NDST3: variants seen among roughly 807,000 people sequenced by gnomAD.
NDST3 encodes the protein N-deacetylase and N-sulfotransferase 3.
Under a neutral mutation model 96.1 loss-of-function variants are expected in NDST3, and 58 were observed. That is an observed-to-expected ratio of 0.60 (90% CI 0.49 to 0.75). NDST3 has a LOEUF of 0.75. Among genes scored for constraint, NDST3 ranks in the 30% least tolerant of loss-of-function variants. The pLI is 0.00. For synonymous variants in NDST3, 333 were observed against 359.7 expected, an observed-to-expected ratio of 0.93 and a Z score of 0.84; for missense variants, 788 against 1,034.2, an observed-to-expected ratio of 0.76 and a Z score of 3.27.
At chr4:118,208,907 G>T (rs1344270966) in intron 6 of NDST3, among the ~76,000 whole-genome samples, 1 of 144,172 alleles carries the variant, frequency 6.9e-6, no homozygotes, top group East Asian at 2.0e-4. Flanking sequence ...AAATATATTT[G>T]TTTGGTATTT....
chr4:118,124,084 C>T (rs767954861), intron 4 of NDST3, among the ~76,000 whole-genome samples: 1 of 152,042 alleles, frequency 6.6e-6, no homozygotes, highest in Non-Finnish European at 1.5e-5. Context: ...GGGGTTTTTG[C>T]TTATGTTATT....
At chr4:118,066,045 T>C (rs1196152380) in intron 2 of NDST3, among the ~76,000 whole-genome samples, 1 of 126,716 alleles carries the variant, frequency 7.9e-6, no homozygotes, top group Admixed American at 1.0e-4. Flanking sequence ...TTCTTCACTA[T>C]TCTTTTGGAT....
At chr4:118,242,569 C>T (rs1402631975) in intron 12 of NDST3, among the ~76,000 whole-genome samples, 2 of 152,156 alleles carry the variant, frequency 1.3e-5, no homozygotes, top group East Asian at 1.9e-4. Context: ...CAATGTCATA[C>T]AGCAAGAAAT....
chr4:118,062,391 TG>T (rs1725967892), intron 2 of NDST3, among the ~76,000 whole-genome samples: 1 of 152,176 alleles, frequency 6.6e-6, no homozygotes, highest in South Asian at 2.1e-4. Flanking sequence ...CCAGTTCCAC[TG>T]GTCCCTAATA....
At chr4:118,208,234 C>T (rs1738570593) in intron 6 of NDST3, among the ~76,000 whole-genome samples, 1 of 144,140 alleles carries the variant, frequency 6.9e-6, no homozygotes, top group Non-Finnish European at 1.5e-5. Flanking sequence ...TTATGAACTT[C>T]TCACCTTTTA....
At position 118,158,777 on chromosome 4, in the gene NDST3, C is replaced by T. The variant is rs139412139; in HGVS notation, c.1539+15093C>T. Among the ~76,000 whole-genome samples the T allele has an allele frequency of 5.2e-3, 786 of 152,324 alleles. 6 individuals carry two copies. Among genetic ancestry groups the T allele is most frequent in the Non-Finnish European group, 7.8e-3 (532 of 68,024 alleles). ...CTTAACAAGATAAGCTGATATTATG[C>T]ACCTCCTGTGATTCAATACAAAATA... On this transcript the variant is annotated intron_variant, in intron 6 of 13. Transcript: ENST00000296499.
intron 6 of NDST3, among the ~76,000 whole-genome samples, chr4:118,166,903 T>A (rs796409330): frequency 4.6e-5 from 7 of 151,944 alleles, no homozygotes; most frequent in Admixed American, 2.0e-4. Flanking sequence ...TACCTCAACG[T>A]AATAAAAGCC....
At chr4:118,195,279 G>T (rs902020950) in intron 6 of NDST3, among the ~76,000 whole-genome samples, 1 of 152,130 alleles carries the variant, frequency 6.6e-6, no homozygotes, top group Non-Finnish European at 1.5e-5. Context: ...ACCTTGAATT[G>T]TAATAGTCTC....
chr4:118,136,590 A>C (rs1228173543), intron 4 of NDST3, among the ~76,000 whole-genome samples: 1 of 152,192 alleles, frequency 6.6e-6, no homozygotes, highest in Non-Finnish European at 1.5e-5. Flanking sequence ...AAATGATGCA[A>C]ATAAAATGAA....
intron 2 of NDST3, among the ~76,000 whole-genome samples, chr4:118,097,230 T>C (rs960620486): frequency 5.9e-5 from 9 of 151,958 alleles, no homozygotes; most frequent in Non-Finnish European, 1.3e-4. Flanking sequence ...GCACAATTTT[T>C]AGGACCTCAA....
At chr4:118,193,760 C>A in intron 6 of NDST3, 1 of 1,482,238 alleles carries the variant, frequency 6.7e-7, no homozygotes, top group African/African-American at 1.4e-5. Flanking sequence ...CTTGTTACAG[C>A]TTTCAGTGGC....
intron 4 of NDST3, among the ~76,000 whole-genome samples, chr4:118,117,302 A>G (rs1731208160): frequency 6.6e-6 from 1 of 152,120 alleles, no homozygotes; most frequent in African/African-American, 2.4e-5. Flanking sequence ...CACTCAATAG[A>G]TGGCAGCTGC....
At chr4:118,240,486 G>A (rs767626950) in intron 10 of NDST3, 38 bp from the exon 11 acceptor site, 50 of 1,488,086 alleles carry the variant, frequency 3.4e-5, no homozygotes, top group South Asian at 4.2e-5. Flanking sequence ...TTATGCCTAC[G>A]GTTCAGATTA....
intron 3 of NDST3, among the ~76,000 whole-genome samples, chr4:118,112,919 A>G (rs1420297986): frequency 2.0e-5 from 3 of 152,160 alleles, no homozygotes; most frequent in Non-Finnish European, 4.4e-5. Flanking sequence ...TGATTTGGTC[A>G]GTTCTTGAAC....
At chr4:118,221,856 G>A (rs530558257) in intron 6 of NDST3, among the ~76,000 whole-genome samples, 1 of 151,936 alleles carries the variant, frequency 6.6e-6, no homozygotes, top group South Asian at 2.1e-4. Flanking sequence ...AGTCCTTTTG[G>A]TGACAACTAA....
chr4:118,082,345 A>C (rs1442575498), intron 2 of NDST3, among the ~76,000 whole-genome samples: 1 of 152,184 alleles, frequency 6.6e-6, no homozygotes. Context: ...AAGGTGCAAC[A>C]CTCTTAGATC....
At chr4:118,065,009 A>T (rs1405041535) in intron 2 of NDST3, among the ~76,000 whole-genome samples, 2 of 152,092 alleles carry the variant, frequency 1.3e-5, no homozygotes, top group African/African-American at 4.8e-5. Context: ...GCTTTTAAGG[A>T]TCCGTATGGC....
intron 2 of NDST3, among the ~76,000 whole-genome samples, chr4:118,091,316 G>A (rs113182235): frequency 6.6e-6 from 1 of 151,602 alleles, no homozygotes; most frequent in Non-Finnish European, 1.5e-5. Context: ...AAAAATTTAG[G>A]GATCATTAGC....
chr4:118,152,699 T>A (rs1283247912), intron 6 of NDST3, among the ~76,000 whole-genome samples: 1 of 152,188 alleles, frequency 6.6e-6, no homozygotes, highest in Non-Finnish European at 1.5e-5. Flanking sequence ...TGTCTAACTT[T>A]CTCTTTTCTG....
Sources: gnomAD v4.1 joint callset for allele counts (sites outside exome capture counted in the v4.1 genomes callset) on GRCh38, gnomAD v4.1.1 for gene constraint, MANE v1.5 for transcripts, NCBI Gene and HGNC (gene_info 2026-07-23, HGNC 2026-07-21) for gene names.